The following KHDRBS2 variants were observed in gnomAD, a reference collection of about 807,000 sequenced individuals.
The protein encoded by KHDRBS2 is KH RNA binding domain containing, signal transduction associated 2.
KHDRBS2 carries 26 observed loss-of-function variants against 44.3 expected under a neutral mutation model. That is an observed-to-expected ratio of 0.59 (90% CI 0.43 to 0.81). The LOEUF is 0.81. Ranked by LOEUF, KHDRBS2 falls within the 40% of genes least tolerant of loss-of-function variation. The pLI, the probability that KHDRBS2 is intolerant of heterozygous loss-of-function variation, is 0.00. For synonymous variants in KHDRBS2, 194 were observed against 151.1 expected, an observed-to-expected ratio of 1.28 and a Z score of -2.08; for missense variants, 476 against 433.1, an observed-to-expected ratio of 1.10 and a Z score of -0.88.
intron 6 of KHDRBS2, among the ~76,000 whole-genome samples, chr6:61,769,928 G>A (rs1780594123): frequency 1.3e-5 from 2 of 152,180 alleles, no homozygotes; most frequent in Admixed American, 1.3e-4. Context: ...TAACTGGGAG[G>A]CACCCCCCAG....
chr6:61,848,501 ATATATATATGTATATATG>A (rs1562293971), intron 6 of KHDRBS2, among the ~76,000 whole-genome samples: 15 of 63,772 alleles, frequency 2.4e-4, no homozygotes, highest in African/African-American at 7.9e-4. Flanking sequence ...GTATATATAT[ATATATATATGTATATATG>A]TATATATATA....
intron 3 of KHDRBS2, among the ~76,000 whole-genome samples, chr6:62,028,593 T>C (rs1351018754): frequency 1.3e-5 from 2 of 152,098 alleles, no homozygotes; most frequent in African/African-American, 2.4e-5. Flanking sequence ...AAGACACTGG[T>C]TTCCACATAT....
chr6:61,660,350 G>C, the KHDRBS2 span, among the ~76,000 whole-genome samples: 1 of 151,654 alleles, frequency 6.6e-6, no homozygotes, highest in Non-Finnish European at 1.5e-5. Context: ...TGTTTCTATA[G>C]TATCCATAAC....
chr6:62,146,023 G>A (rs1213940087), intron 2 of KHDRBS2, among the ~76,000 whole-genome samples: 1 of 151,762 alleles, frequency 6.6e-6, no homozygotes, highest in African/African-American at 2.4e-5. Context: ...TCATAGGTCA[G>A]CTAAGAATCC....
intron 6 of KHDRBS2, among the ~76,000 whole-genome samples, chr6:61,824,322 G>T (rs939942780): frequency 3.9e-5 from 6 of 152,062 alleles, no homozygotes; most frequent in Admixed American, 3.3e-4. Context: ...TCGTGATAGA[G>T]TTCTCACAAA....
intron 6 of KHDRBS2, among the ~76,000 whole-genome samples, chr6:61,819,560 A>T (rs1562243535): frequency 6.6e-6 from 1 of 152,002 alleles, no homozygotes; most frequent in Admixed American, 6.6e-5. Context: ...ATTGATTAGT[A>T]ACTGAGTGCA....
intron 3 of KHDRBS2, among the ~76,000 whole-genome samples, chr6:62,038,241 T>G (rs1785716674): frequency 4.6e-5 from 7 of 152,090 alleles, no homozygotes; most frequent in Admixed American, 4.6e-4. Flanking sequence ...TTGACTTCAC[T>G]CTTGGTGAAC....
chr6:62,026,472 G>A (rs963759417), intron 3 of KHDRBS2, among the ~76,000 whole-genome samples: 6 of 147,646 alleles, frequency 4.1e-5, no homozygotes, highest in African/African-American at 1.5e-4. Flanking sequence ...TCATTCTGTT[G>A]TCGAGGCTGG....
intron 2 of KHDRBS2, among the ~76,000 whole-genome samples, chr6:62,084,831 C>A (rs1412782465): frequency 1.3e-5 from 2 of 151,958 alleles, no homozygotes; most frequent in Non-Finnish European, 2.9e-5. Flanking sequence ...ATGTATTTCA[C>A]CCATTACAGA....
chr6:61,842,484 C>T (rs541097304), intron 6 of KHDRBS2, among the ~76,000 whole-genome samples: 1 of 152,230 alleles, frequency 6.6e-6, no homozygotes, highest in East Asian at 1.9e-4. Context: ...GGCTGACCTG[C>T]TAGCTGTGTC....
the KHDRBS2 span, among the ~76,000 whole-genome samples, chr6:61,599,825 C>T: frequency 6.6e-6 from 1 of 152,174 alleles, no homozygotes; most frequent in Admixed American, 6.5e-5. Flanking sequence ...TGGAAAGAAC[C>T]TGAAAATCAG....
At chr6:61,609,892 G>A in the KHDRBS2 span, among the ~76,000 whole-genome samples, 2 of 152,186 alleles carry the variant, frequency 1.3e-5, no homozygotes, top group African/African-American at 4.8e-5. Context: ...TTTGAAAACA[G>A]GCTGGGTGCG....
chr6:62,196,240 G>A (rs1825677694), intron 1 of KHDRBS2, among the ~76,000 whole-genome samples: 1 of 152,130 alleles, frequency 6.6e-6, no homozygotes, highest in Non-Finnish European at 1.5e-5. Flanking sequence ...AATATTTGGA[G>A]TTATAAGCCA....
intron 3 of KHDRBS2, among the ~76,000 whole-genome samples, chr6:62,031,501 G>A (rs1784334200): frequency 6.6e-6 from 1 of 151,970 alleles, no homozygotes; most frequent in African/African-American, 2.4e-5. Flanking sequence ...CCTTCCCTGG[G>A]CCAGAAAACA....
intron 3 of KHDRBS2, among the ~76,000 whole-genome samples, chr6:62,032,593 C>A (rs1023029637): frequency 2.0e-5 from 3 of 151,076 alleles, no homozygotes; most frequent in African/African-American, 7.3e-5. Flanking sequence ...ATCAAGAGAA[C>A]CCTGACAAAT....
At chr6:61,964,145 C>T (rs140054039) in intron 4 of KHDRBS2, among the ~76,000 whole-genome samples, 6 of 152,104 alleles carry the variant, frequency 3.9e-5, no homozygotes, top group African/African-American at 7.2e-5. Context: ...AGAAAAAAAT[C>T]GAGCATGAAG....
intron 6 of KHDRBS2, among the ~76,000 whole-genome samples, chr6:61,892,536 A>G (rs1275255872): frequency 6.6e-6 from 1 of 152,236 alleles, no homozygotes. Context: ...ACAGCATGGT[A>G]CTGGTACCAA....
intron 2 of KHDRBS2, among the ~76,000 whole-genome samples, chr6:62,092,297 C>G (rs780173231): frequency 3.6e-4 from 54 of 152,072 alleles, no homozygotes; most frequent in Non-Finnish European, 1.2e-4. Context: ...AGAGACCTAT[C>G]AAATCATATT....
At position 62,225,859 on chromosome 6, in the gene KHDRBS2, C is replaced by A. The variant is rs1378127708; in HGVS notation, c.92-48547G>T. Among the ~76,000 whole-genome samples, 30 of 152,148 alleles carry A rather than the reference C, an allele frequency of 2.0e-4. 1 individual carries two copies. The highest frequency in any genetic ancestry group is 1.8e-3 in the Admixed American group (27 of 15,266). ...TGCTTCATACATGTCCCTACAAAAA[C>A]CATGATCTCATTGCTTTTTATGGCT... is the stretch of plus-strand genomic sequence containing the variant. On this transcript the variant is annotated intron_variant, in intron 1 of 8. Coordinates refer to ENST00000281156, the MANE Select transcript of KHDRBS2 (RefSeq NM_152688.4).
Sources: gnomAD v4.1 joint callset for allele counts (sites outside exome capture counted in the v4.1 genomes callset) on GRCh38, gnomAD v4.1.1 for gene constraint, MANE v1.5 for transcripts, NCBI Gene and HGNC (gene_info 2026-07-23, HGNC 2026-07-21) for gene names.